Variants in PTPRD observed in about 807,000 individuals in gnomAD.
PTPRD encodes receptor-type tyrosine-protein phosphatase delta.
A neutral mutation model predicts 214.5 loss-of-function variants in PTPRD; 34 were observed. The observed-to-expected ratio is 0.16, with a 90% CI of 0.12 to 0.21. The LOEUF (loss-of-function observed/expected upper bound fraction) is 0.21, where lower values mean the gene tolerates loss of function less well. Ranked by LOEUF, PTPRD falls within the 10% of genes least tolerant of loss-of-function variation. PTPRD has a pLI of 1.00. For missense variants in PTPRD, 2,545 were observed against 2,398.7 expected, an observed-to-expected ratio of 1.06 and a Z score of -1.27; for synonymous variants, 1,128 against 845.7, an observed-to-expected ratio of 1.33 and a Z score of -5.79.
At chr9:10,218,467 C>A (rs1051505360) in intron 3 of PTPRD, among the ~76,000 whole-genome samples, 1 of 151,744 alleles carries the variant, frequency 6.6e-6, no homozygotes, top group Admixed American at 6.6e-5. Context: ...AAATTTTTAG[C>A]CTTTAGTATT....
At chr9:9,596,004 T>C (rs1381603921) in intron 7 of PTPRD, among the ~76,000 whole-genome samples, 3 of 152,050 alleles carry the variant, frequency 2.0e-5, no homozygotes, top group Non-Finnish European at 2.9e-5. Flanking sequence ...CAAGGGATTT[T>C]GCTCTTTGAA....
At chr9:9,081,688 G>T (rs113755863) in intron 10 of PTPRD, among the ~76,000 whole-genome samples, 2,511 of 152,104 alleles carry the variant, frequency 0.017, 63 homozygotes, top group African/African-American at 0.057. Context: ...CCTGTATTGG[G>T]TGCATATATA....
At chr9:9,724,019 C>G (rs566524784) in intron 7 of PTPRD, among the ~76,000 whole-genome samples, 1 of 152,124 alleles carries the variant, frequency 6.6e-6, no homozygotes, top group East Asian at 1.9e-4. Context: ...TGGCTAGAAC[C>G]TCCAGTACAA....
At chr9:8,556,919 T>C (rs1322316636) in intron 14 of PTPRD, among the ~76,000 whole-genome samples, 1 of 152,204 alleles carries the variant, frequency 6.6e-6, no homozygotes, top group East Asian at 1.9e-4. Flanking sequence ...GGTCCCGAGT[T>C]GACCTTTATA....
At chr9:10,569,390 C>A (rs1477735766) in intron 2 of PTPRD, among the ~76,000 whole-genome samples, 1 of 152,054 alleles carries the variant, frequency 6.6e-6, no homozygotes, top group Admixed American at 6.6e-5. Context: ...TATTTCTTCT[C>A]CCTTTCATGA....
At chr9:9,352,310 CATATAT>C (rs35015743) in intron 9 of PTPRD, among the ~76,000 whole-genome samples, 1 of 140,968 alleles carries the variant, frequency 7.1e-6, no homozygotes, top group Non-Finnish European at 1.5e-5. Flanking sequence ...GCCAAAAAAC[CATATAT>C]ATATATATAT....
chr9:10,466,526 G>A (rs1241984914), intron 2 of PTPRD, among the ~76,000 whole-genome samples: 1 of 150,126 alleles, frequency 6.7e-6, no homozygotes, highest in East Asian at 2.0e-4. Context: ...GGGAGGCTGA[G>A]GCAGGAGAAT....
At position 9,841,619 on chromosome 9, in the gene PTPRD, C is replaced by T. The variant is rs2058351979; in HGVS notation, c.-367-74768G>A. On this transcript the variant is annotated intron_variant, in intron 5 of 45. Coordinates refer to ENST00000381196, the MANE Select transcript of PTPRD (RefSeq NM_002839.4). ...AGCATTTGTTTCATTTCCTTTGCAC[C>T]ATTAAAGATGAAGTTGTTAGCACTG... 2.6e-5 allele frequency among the ~76,000 whole-genome samples: 4 copies of T among 152,064 alleles called. No homozygotes were observed. In the South Asian group the frequency reaches 8.3e-4, roughly 31 times the overall value.
intron 3 of PTPRD, among the ~76,000 whole-genome samples, chr9:10,194,341 TATATAG>T (rs2099388135): frequency 3.4e-5 from 2 of 59,194 alleles, no homozygotes; most frequent in African/African-American, 1.3e-4. Flanking sequence ...TATATATATA[TATATAG>T]AGAGAGAGAG....
chr9:9,989,624 C>A (rs10978151), intron 4 of PTPRD, among the ~76,000 whole-genome samples: 1 of 151,966 alleles, frequency 6.6e-6, no homozygotes, highest in East Asian at 1.9e-4. Context: ...TTTCACACGA[C>A]CTCATTCCTC....
intron 5 of PTPRD, among the ~76,000 whole-genome samples, chr9:9,886,528 CCA>C (rs1227332246): frequency 6.6e-6 from 1 of 152,076 alleles, no homozygotes; most frequent in Non-Finnish European, 1.5e-5. Flanking sequence ...TCAGACCGTT[CCA>C]CAGTGTATTT....
At chr9:10,096,639 G>C (rs1449175657) in intron 3 of PTPRD, among the ~76,000 whole-genome samples, 1 of 151,872 alleles carries the variant, frequency 6.6e-6, no homozygotes, top group Admixed American at 6.6e-5. Context: ...CTGGATATTA[G>C]CCCTTTGTCA....
At chr9:10,607,092 T>C (rs1349786145) in intron 2 of PTPRD, among the ~76,000 whole-genome samples, 2 of 151,948 alleles carry the variant, frequency 1.3e-5, no homozygotes, top group African/African-American at 2.4e-5. Flanking sequence ...TCTGATCTCA[T>C]GTGAAATGTA....
intron 7 of PTPRD, among the ~76,000 whole-genome samples, chr9:9,595,352 CAT>C (rs2093229357): frequency 7.6e-6 from 1 of 131,840 alleles, no homozygotes; most frequent in Non-Finnish European, 1.6e-5. Context: ...GTATATTCAT[CAT>C]ATATATGATG....
intron 7 of PTPRD, among the ~76,000 whole-genome samples, chr9:9,658,208 T>C (rs1002253463): frequency 9.9e-5 from 15 of 152,128 alleles, no homozygotes; most frequent in African/African-American, 3.4e-4. Flanking sequence ...ACCAGGAAAC[T>C]AAAACTCTGA....
At chr9:8,544,737 C>A (rs2079502636) in intron 14 of PTPRD, among the ~76,000 whole-genome samples, 1 of 151,620 alleles carries the variant, frequency 6.6e-6, no homozygotes, top group African/African-American at 2.4e-5. Flanking sequence ...TCCCAAAGTG[C>A]TGGGATTACA....
At chr9:10,467,444 C>T (rs1440820705) in intron 2 of PTPRD, among the ~76,000 whole-genome samples, 1 of 152,124 alleles carries the variant, frequency 6.6e-6, no homozygotes, top group African/African-American at 2.4e-5. Context: ...TCTTACTACA[C>T]ATGCACTGCA....
chr9:9,022,146 T>C (rs1405335609), intron 10 of PTPRD, among the ~76,000 whole-genome samples: 1 of 145,220 alleles, frequency 6.9e-6, no homozygotes, highest in African/African-American at 2.6e-5. Flanking sequence ...AAAATAAAAA[T>C]AAAAATAAAA....
chr9:9,872,742 C>T (rs1016980492), intron 5 of PTPRD, among the ~76,000 whole-genome samples: 1 of 152,138 alleles, frequency 6.6e-6, no homozygotes, highest in East Asian at 1.9e-4. Context: ...CATGATGGTA[C>T]ATTACTTAGT....
Sources: allele counts gnomAD v4.1 joint callset (sites outside exome capture counted in the v4.1 genomes callset), GRCh38; gene constraint gnomAD v4.1.1; transcripts MANE v1.5; gene names NCBI Gene and HGNC (gene_info 2026-07-23, HGNC 2026-07-21).